Variants in PNLIPRP3 observed in about 807,000 individuals in gnomAD.
PNLIPRP3 encodes pancreatic lipase-related protein 3.
Under a neutral mutation model 52.8 loss-of-function variants are expected in PNLIPRP3, and 58 were observed. The ratio of observed to expected loss-of-function variants is 1.10; its 90% CI spans 0.89 to 1.37. PNLIPRP3 has a LOEUF of 1.37. PNLIPRP3 is among the 40% of genes most tolerant of loss of function. The pLI, the probability that PNLIPRP3 is intolerant of heterozygous loss-of-function variation, is 0.00. For synonymous variants in PNLIPRP3, 192 were observed against 185.0 expected (o/e 1.04, Z -0.31); for missense variants, 593 against 561.6 (o/e 1.06, Z -0.57).
chr10:116,465,393 G>A (rs571478718), intron 7 of PNLIPRP3, among the ~76,000 whole-genome samples: 17 of 152,002 alleles, frequency 1.1e-4, no homozygotes, highest in East Asian at 1.9e-4. Flanking sequence ...AAAATTAGCC[G>A]GCGTGGTGGT....
intron 3 of PNLIPRP3, among the ~76,000 whole-genome samples, chr10:116,443,797 GTGTGCATATATATATATATATA>G (rs749833603): frequency 0.03 from 3,648 of 119,970 alleles, 239 homozygotes; most frequent in Admixed American, 0.04. Context: ...ATGTATGTGT[GTGTGCATATATATATATATATA>G]TATATATATA....
At chr10:116,463,219 T>TTA (rs3981242) in intron 7 of PNLIPRP3, among the ~76,000 whole-genome samples, 150,732 of 152,278 alleles carry the variant, frequency 0.99, 74,630 homozygotes, top group East Asian at 1. Context: ...ACAAGAAAAA[T>TTA]TGTTATTGCC....
intron 7 of PNLIPRP3, among the ~76,000 whole-genome samples, chr10:116,464,775 G>A (rs1846253724): frequency 6.6e-6 from 1 of 152,200 alleles, no homozygotes; most frequent in Non-Finnish European, 1.5e-5. Flanking sequence ...GAAACATTAC[G>A]GCTTGTTTGT....
At chr10:116,443,757 GTGTGTGTA>G (rs1375391910) in intron 3 of PNLIPRP3, among the ~76,000 whole-genome samples, 1 of 92,072 alleles carries the variant, frequency 1.1e-5, no homozygotes, top group Non-Finnish European at 2.3e-5. Flanking sequence ...GTGTGTGTGT[GTGTGTGTA>G]TGTGTGTGTG....
intron 2 of PNLIPRP3, chr10:116,439,799 C>T: frequency 5.2e-6 from 4 of 774,802 alleles, no homozygotes; most frequent in South Asian, 4.0e-5. Context: ...TTCTTGCCTC[C>T]CTTAGCTGGT....
intron 7 of PNLIPRP3, 90 bp from the exon 8 acceptor site, chr10:116,465,960 C>A: frequency 1.1e-6 from 1 of 927,618 alleles, no homozygotes; most frequent in African/African-American, 1.6e-5. Flanking sequence ...CTCAAGAAGA[C>A]TGCCACTTAC....
intron 7 of PNLIPRP3, among the ~76,000 whole-genome samples, chr10:116,465,338 C>T (rs1434285653): frequency 6.6e-6 from 1 of 152,032 alleles, no homozygotes; most frequent in African/African-American, 2.4e-5. Context: ...AGATCAAGAC[C>T]ATCCTGGCTA....
intron 7 of PNLIPRP3, among the ~76,000 whole-genome samples, chr10:116,463,734 C>T (rs1221616590): frequency 6.6e-6 from 1 of 152,194 alleles, no homozygotes; most frequent in African/African-American, 2.4e-5. Flanking sequence ...AATTATACTG[C>T]ATATGCTAAA....
intron 5 of PNLIPRP3, among the ~76,000 whole-genome samples, chr10:116,459,296 A>C (rs868652418): frequency 6.7e-6 from 1 of 150,064 alleles, no homozygotes; most frequent in Middle Eastern, 3.4e-3. Flanking sequence ...AAAAAAAAAA[A>C]CACATCCTAT....
At chr10:116,476,908 C>G in intron 11 of PNLIPRP3, 89 bp downstream of exon 11, 2 of 1,353,810 alleles carry the variant, frequency 1.5e-6, no homozygotes, top group Non-Finnish European at 2.0e-6. Context: ...GTGCAAGTAG[C>G]ATAAAAATTT....
Position 116,435,970 on chromosome 10 carries a change from A to G in PNLIPRP3, c.50-741A>G, listed in dbSNP as rs148212066. 7.1e-3 allele frequency among the ~76,000 whole-genome samples: 1,082 copies of G among 152,370 alleles called. 7 individuals are homozygous for G. Among genetic ancestry groups the G allele is most frequent in the Admixed American group, 0.019 (292 of 15,304 alleles). ...ACTACAAAATTATATTAATCAAGAC[A>G]GTGTGATACTGACATAAAAACAGAC... is the stretch of plus-strand genomic sequence containing the variant. On this transcript the variant is annotated intron_variant, in intron 1 of 11. Coordinates refer to ENST00000369230, the MANE Select transcript of PNLIPRP3 (RefSeq NM_001011709.3).
rs1234187654 is a variant in PNLIPRP3 at position 116,435,423 on chromosome 10, T to A, written c.50-1288T>A. On this transcript the variant is annotated intron_variant, in intron 1 of 11. Coordinates refer to ENST00000369230, the MANE Select transcript of PNLIPRP3 (RefSeq NM_001011709.3). Reference sequence around the variant, plus strand: ...AATAGAAGGTTACTGTTTAAATTTATAATAGAAGCCAATAAATGAGCCAAA... The same window carrying A: ...AATAGAAGGTTACTGTTTAAATTTAAAATAGAAGCCAATAAATGAGCCAAA... Among the ~76,000 whole-genome samples the A allele has an allele frequency of 8.3e-5, 11 of 131,754 alleles. No individual in the cohort carries two copies. The East Asian group carries it at 2.5e-3, about 30-fold the overall frequency. The allele number at this position is 131,754 out of a possible 152,430, so 86.4% of individuals were successfully genotyped here.
intron 9 of PNLIPRP3, among the ~76,000 whole-genome samples, chr10:116,469,893 C>T (rs2133155624): frequency 6.7e-6 from 1 of 150,324 alleles, no homozygotes; most frequent in South Asian, 2.1e-4. Context: ...AGAAAAATCA[C>T]TTTAGTTTCT....
chr10:116,455,464 C>G (rs79244656), intron 4 of PNLIPRP3, among the ~76,000 whole-genome samples: 1 of 152,100 alleles, frequency 6.6e-6, no homozygotes, highest in Non-Finnish European at 1.5e-5. Flanking sequence ...GGGCTGTTCT[C>G]CTGTTTCCAA....
At chr10:116,444,671 T>C (rs1349696204) in intron 4 of PNLIPRP3, among the ~76,000 whole-genome samples, 158 bp downstream of exon 4, 2 of 152,150 alleles carry the variant, frequency 1.3e-5, no homozygotes, top group African/African-American at 4.8e-5. Context: ...AAGGAAAAGT[T>C]TCTTCGCAGT....
intron 10 of PNLIPRP3, among the ~76,000 whole-genome samples, chr10:116,472,277 C>G (rs570285925): frequency 1.8e-3 from 267 of 152,250 alleles, no homozygotes; most frequent in Non-Finnish European, 3.2e-3. Flanking sequence ...AATAAGCTGT[C>G]TAAGCATTAC....
rs1845782914 is a variant in PNLIPRP3 at position 116,436,915 on chromosome 10, T to G, written c.204+50T>G. ...CATGGATTATTCTAAAATATAAGAT[T>G]TGCCTATAGATACAGAAGACATAGA... On this transcript the variant is annotated intron_variant, in intron 2 of 11. Transcript: ENST00000369230. 2.7e-6 allele frequency: 4 copies of G among 1,494,948 alleles called. No individual in the cohort carries two copies. The Middle Eastern group carries it at 7.2e-4, about 267-fold the overall frequency. 92.6% of individuals were successfully genotyped at this position (1,494,948 alleles called of 1,614,324 possible). A position where few individuals can be genotyped will look rare whatever the true frequency, so the allele number is the denominator to read the frequency against.
chr10:116,430,042 A>G (rs1845687554), intron 1 of PNLIPRP3, among the ~76,000 whole-genome samples: 1 of 152,204 alleles, frequency 6.6e-6, no homozygotes, highest in Non-Finnish European at 1.5e-5. Context: ...CAGGAGAAAG[A>G]GAAGGGAGTA....
At chr10:116,470,578 C>T (rs953656397) in intron 9 of PNLIPRP3, among the ~76,000 whole-genome samples, 21 of 150,094 alleles carry the variant, frequency 1.4e-4, no homozygotes, top group Admixed American at 5.3e-4. Context: ...GGTGCGATCT[C>T]GGCTCACTGC....
Sources: allele counts gnomAD v4.1 joint callset (sites outside exome capture counted in the v4.1 genomes callset), GRCh38; gene constraint gnomAD v4.1.1; transcripts MANE v1.5; gene names NCBI Gene and HGNC (gene_info 2026-07-23, HGNC 2026-07-21).